Variants in MYO16 observed in about 807,000 individuals in gnomAD.
MYO16 encodes unconventional myosin-XVI.
A neutral mutation model predicts 205.3 loss-of-function variants in MYO16; 94 were observed. The observed-to-expected ratio is 0.46, with a 90% confidence interval of 0.39 to 0.54. The LOEUF (loss-of-function observed/expected upper bound fraction) is 0.54, where lower values mean the gene tolerates loss of function less well. Among genes scored for constraint, MYO16 ranks in the 20% least tolerant of loss-of-function variants. MYO16 has a pLI of 0.00. For missense variants in MYO16, 2,315 were observed against 2,387.5 expected (o/e 0.97, Z 0.63); for synonymous variants, 988 against 954.0 (o/e 1.04, Z -0.66).
At chr13:109,134,402 C>T (rs1876676798) in intron 31 of MYO16, among the ~76,000 whole-genome samples, 1 of 152,340 alleles carries the variant, frequency 6.6e-6, no homozygotes, top group South Asian at 2.1e-4. Flanking sequence ...CCAGAACTTA[C>T]AGGTTTACAT....
At chr13:108,500,173 C>G in the MYO16 span, among the ~76,000 whole-genome samples, 2 of 147,020 alleles carry the variant, frequency 1.4e-5, no homozygotes, top group African/African-American at 2.5e-5. Flanking sequence ...ATTGTTCTCT[C>G]TAGGCTGGCC....
intron 24 of MYO16, chr13:109,048,371 T>G (rs761491652): frequency 2.6e-6 from 2 of 760,266 alleles, no homozygotes; most frequent in South Asian, 2.8e-5. Context: ...GGACAGAATT[T>G]ACAATGTACC....
intron 5 of MYO16, among the ~76,000 whole-genome samples, chr13:108,792,267 A>G (rs1308402206): frequency 2.6e-5 from 4 of 152,230 alleles, no homozygotes; most frequent in Admixed American, 6.5e-5. Flanking sequence ...CTTTATTAAC[A>G]TTAGTAGTCA....
chr13:108,630,618 C>T (rs1049263604), intron 1 of MYO16, among the ~76,000 whole-genome samples: 1 of 152,156 alleles, frequency 6.6e-6, no homozygotes, highest in Admixed American at 6.5e-5. Context: ...TTTTTGTCCC[C>T]TGCAGCACTT....
intron 20 of MYO16, among the ~76,000 whole-genome samples, chr13:108,985,445 A>T (rs191918455): frequency 1.2e-4 from 18 of 152,320 alleles, no homozygotes; most frequent in Admixed American, 3.3e-4. Context: ...TATACTGAAG[A>T]TACCCCCAAG....
At chr13:108,640,415 A>G (rs1164053017) in intron 1 of MYO16, among the ~76,000 whole-genome samples, 3 of 152,152 alleles carry the variant, frequency 2.0e-5, no homozygotes, top group Non-Finnish European at 4.4e-5. Context: ...TTGGAAGGGA[A>G]TGAAGAGTAC....
At chr13:109,090,045 A>G (rs546315433) in intron 27 of MYO16, among the ~76,000 whole-genome samples, 3 of 152,342 alleles carry the variant, frequency 2.0e-5, no homozygotes, top group East Asian at 3.9e-4. Context: ...GAAGTGTCAC[A>G]ATGTCTTCGT....
At chr13:108,809,081 A>T (rs1887205748) in intron 7 of MYO16, among the ~76,000 whole-genome samples, 1 of 152,220 alleles carries the variant, frequency 6.6e-6, no homozygotes, top group Non-Finnish European at 1.5e-5. Flanking sequence ...TCACATGACA[A>T]CTATGCTGCA....
chr13:108,630,760 G>C (rs1449080258), intron 1 of MYO16, among the ~76,000 whole-genome samples: 1 of 152,082 alleles, frequency 6.6e-6, no homozygotes, highest in East Asian at 1.9e-4. Context: ...GCATATTAAG[G>C]GAACACATGT....
chr13:108,961,991 A>G (rs1342275550), intron 18 of MYO16, among the ~76,000 whole-genome samples: 1 of 152,192 alleles, frequency 6.6e-6, no homozygotes, highest in African/African-American at 2.4e-5. Flanking sequence ...AACATTTTAA[A>G]CAGAATGTAA....
chr13:108,914,484 C>G (rs7987853), intron 16 of MYO16, among the ~76,000 whole-genome samples: 1 of 151,864 alleles, frequency 6.6e-6, no homozygotes, highest in Non-Finnish European at 1.5e-5. Flanking sequence ...AACTTACAAG[C>G]CTTCTTCCTT....
At chr13:108,852,689 G>C (rs749569814) in intron 10 of MYO16, among the ~76,000 whole-genome samples, 1 of 152,144 alleles carries the variant, frequency 6.6e-6, no homozygotes, top group Non-Finnish European at 1.5e-5. Context: ...TCCAAGGGAA[G>C]CTGGTAGGAA....
intron 32 of MYO16, among the ~76,000 whole-genome samples, chr13:109,153,500 G>A (rs1877799321): frequency 6.6e-6 from 1 of 152,098 alleles, no homozygotes; most frequent in South Asian, 2.1e-4. Flanking sequence ...GGGCGAGGTG[G>A]CTCATCTCAA....
chr13:109,018,746 A>T (rs1054681551), intron 22 of MYO16, among the ~76,000 whole-genome samples: 3 of 152,158 alleles, frequency 2.0e-5, no homozygotes, highest in African/African-American at 7.2e-5. Context: ...TTGGCTAGGA[A>T]AGGGAAATCC....
At chr13:108,841,675 A>AT (rs78815152) in intron 9 of MYO16, among the ~76,000 whole-genome samples, 3,861 of 152,268 alleles carry the variant, frequency 0.025, 125 homozygotes, top group East Asian at 0.11. Context: ...ATCTGAAAAC[A>AT]AAGAAACCAA....
intron 12 of MYO16, among the ~76,000 whole-genome samples, chr13:108,875,501 G>A (rs781184883): frequency 1.1e-4 from 17 of 152,054 alleles, no homozygotes; most frequent in Non-Finnish European, 1.9e-4. Flanking sequence ...TGGTAGTAAT[G>A]GACTATTCCA....
the MYO16 span, among the ~76,000 whole-genome samples, chr13:108,578,204 G>A: frequency 2.6e-5 from 4 of 152,244 alleles, 1 homozygote; most frequent in Middle Eastern, 0.01. Context: ...CAGGATTTGT[G>A]CATTTGTCTG....
chr13:108,951,884 A>C (rs1282415868), intron 16 of MYO16, among the ~76,000 whole-genome samples: 1 of 152,098 alleles, frequency 6.6e-6, no homozygotes, highest in Non-Finnish European at 1.5e-5. Flanking sequence ...AGGCCAGATC[A>C]CCTGAGGTCA....
chr13:108,625,496 G>C (rs972881886), upstream of MYO16, among the ~76,000 whole-genome samples: 1 of 152,166 alleles, frequency 6.6e-6, no homozygotes, highest in African/African-American at 2.4e-5. Context: ...AGGACCCTAA[G>C]TTATTAGACC....
Sources: gnomAD v4.1 joint callset for allele counts (sites outside exome capture counted in the v4.1 genomes callset) on GRCh38, gnomAD v4.1.1 for gene constraint, MANE v1.5 for transcripts, NCBI Gene and HGNC (gene_info 2026-07-23, HGNC 2026-07-21) for gene names.